NCAPG2: variants seen among roughly 807,000 people sequenced by gnomAD.
NCAPG2 encodes the protein condensin-2 complex subunit G2.
Under a neutral mutation model 141.1 loss-of-function variants are expected in NCAPG2, and 53 were observed. The ratio of observed to expected loss-of-function variants is 0.38; its 90% CI spans 0.30 to 0.47. The LOEUF is 0.47. Among genes scored for constraint, NCAPG2 ranks in the 20% least tolerant of loss-of-function variants. NCAPG2 has a pLI of 0.99. For synonymous variants in NCAPG2, 499 were observed against 490.7 expected (o/e 1.02, Z -0.22); for missense variants, 1,087 against 1,389.0 (o/e 0.78, Z 3.46).
At chr7:158,650,299 C>A (rs1395278916) in intron 24 of NCAPG2, among the ~76,000 whole-genome samples, 1 of 152,198 alleles carries the variant, frequency 6.6e-6, no homozygotes, top group Non-Finnish European at 1.5e-5. Flanking sequence ...CCTGCCTCCA[C>A]CTCCCAAAGT....
At chr7:158,669,428 T>TA (rs1046908702) in intron 13 of NCAPG2, among the ~76,000 whole-genome samples, 2 of 152,240 alleles carry the variant, frequency 1.3e-5, no homozygotes, top group Middle Eastern at 3.4e-3. Flanking sequence ...CAGGCTGTTT[T>TA]AAAAAATGCC....
intron 6 of NCAPG2, among the ~76,000 whole-genome samples, chr7:158,688,058 C>G (rs755175727): frequency 2.6e-5 from 4 of 152,094 alleles, no homozygotes; most frequent in Admixed American, 2.6e-4. Context: ...ATCTAGAACT[C>G]TCTCAGTGAA....
At chr7:158,687,324 A>G (rs780670492) in intron 7 of NCAPG2, 24 bp downstream of exon 7, 3 of 1,537,100 alleles carry the variant, frequency 2.0e-6, no homozygotes, top group East Asian at 2.3e-5. Context: ...ACAGCACAAA[A>G]TCTTCAGTAC....
intron 1 of NCAPG2, chr7:158,703,569 TCCATGTTTCTTGTA>T (rs1357613561): frequency 6.6e-6 from 1 of 152,216 alleles, no homozygotes; most frequent in East Asian, 1.9e-4. Flanking sequence ...GTGGCAATAT[TCCATGTTTCTTGTA>T]CCATATGTGC....
Position 158,680,007 on chromosome 7 carries a change from C to A in NCAPG2, c.1099G>T (p.Ala367Ser), listed in dbSNP as rs778653033. 1.2e-6 allele frequency: 2 copies of A among 1,614,156 alleles called. No homozygotes were observed. The highest frequency in any genetic ancestry group is 3.3e-5 in the Admixed American group (2 of 60,020). Residue 367 changes from alanine to serine, a missense_variant, in exon 11 of 28, where the codon GCT becomes TCT. Coordinates refer to ENST00000356309, the MANE Select transcript of NCAPG2 (RefSeq NM_017760.7). ...AFPIRDPNLH[A>S]IEMDSEIQKQ... is the part of the protein sequence containing the mutation. ...TGGATTTCACTATCCATTTCAATAG[C>A]ATGAAGGTTTGGATCCCTAATAGGA...
intron 27 of NCAPG2, among the ~76,000 whole-genome samples, chr7:158,634,552 T>C (rs759431888): frequency 6.6e-6 from 1 of 152,202 alleles, no homozygotes; most frequent in Admixed American, 6.5e-5. Flanking sequence ...GAGGGCCAAG[T>C]GTTCTCATTT....
chr7:158,666,754 C>G (rs1285417362), intron 13 of NCAPG2, among the ~76,000 whole-genome samples: 1 of 151,682 alleles, frequency 6.6e-6, no homozygotes, highest in Non-Finnish European at 1.5e-5. Flanking sequence ...CAGGGAAACC[C>G]TGTCTCAAAA....
At chr7:158,700,161 C>T (rs746712767) in intron 2 of NCAPG2, among the ~76,000 whole-genome samples, 4 of 152,194 alleles carry the variant, frequency 2.6e-5, no homozygotes, top group African/African-American at 4.8e-5. Context: ...CAATCCTACA[C>T]ATTTTCATTT....
chr7:158,700,425 G>A (rs1418386534), intron 2 of NCAPG2, among the ~76,000 whole-genome samples: 4 of 152,154 alleles, frequency 2.6e-5, no homozygotes, highest in African/African-American at 7.2e-5. Context: ...TTTTACCTCT[G>A]ATTTTCAATT....
rs187327323 is a variant in NCAPG2, at chr7:158,687,498, T to G, written c.673-56A>C. ...TTGCAACCAAATAAAAAGTGCCAAA[T>G]AACAAACAATTATTTGAACGTCTAG... On this transcript the variant is annotated intron_variant, in intron 6 of 27. Transcript: ENST00000356309. 50 of 1,272,372 alleles carry G rather than the reference T, an allele frequency of 3.9e-5. No individual in the cohort carries two copies. The East Asian group carries it at 1.2e-3, about 30-fold the overall frequency. The allele number at this position is 1,272,372 out of a possible 1,614,324, so 78.8% of individuals were successfully genotyped here.
At chr7:158,685,455 G>A (rs1449518036) in intron 8 of NCAPG2, among the ~76,000 whole-genome samples, 1 of 152,092 alleles carries the variant, frequency 6.6e-6, no homozygotes, top group Non-Finnish European at 1.5e-5. Flanking sequence ...TATCCATGGG[G>A]GATCAGTTCT....
chr7:158,681,918 T>C (rs1462614156), intron 9 of NCAPG2, among the ~76,000 whole-genome samples: 3 of 152,164 alleles, frequency 2.0e-5, no homozygotes, highest in Admixed American at 1.3e-4. Flanking sequence ...GAAACCTCTT[T>C]CAATATCAAT....
chr7:158,653,378 TAAAAAA>T (rs1554553485), intron 22 of NCAPG2, among the ~76,000 whole-genome samples: 2 of 38,144 alleles, frequency 5.2e-5, no homozygotes, highest in Non-Finnish European at 1.1e-4. Flanking sequence ...AAAAAAAAAA[TAAAAAA>T]AAAAATAATA....
chr7:158,632,151 G>A (rs931637376), intron 27 of NCAPG2, among the ~76,000 whole-genome samples: 3 of 152,062 alleles, frequency 2.0e-5, no homozygotes, highest in Non-Finnish European at 2.9e-5. Flanking sequence ...CTAATAACCT[G>A]AAGCCTTTAG....
At position 158,658,382 on chromosome 7, in the gene NCAPG2, G is replaced by A; in HGVS notation, c.2016C>T (p.Phe672=). The stretch of plus-strand genomic sequence containing the variant: ...AGGCCGGCATAAAGGACATTAGCAT[G>A]AATAAAGGGATCTTGCAGCGATCAT... ...FKDDRCKIPL[F]MLMSFMPASA... is the part of the protein sequence containing the mutation. Residue 672 remains phenylalanine (F), a synonymous_variant, in exon 17 of 28, where the codon TTC becomes TTT. Transcript: ENST00000356309. 2 of 1,612,272 alleles carry A rather than the reference G, an allele frequency of 1.2e-6. No homozygotes were observed. The highest frequency in any genetic ancestry group is 1.7e-6 in the Non-Finnish European group (2 of 1,179,038).
intron 12 of NCAPG2, among the ~76,000 whole-genome samples, chr7:158,672,445 C>A (rs1418065210): frequency 1.4e-5 from 2 of 141,652 alleles, no homozygotes; most frequent in East Asian, 4.4e-4. Flanking sequence ...CGGGTTCATG[C>A]CATTCTCCTG....
intron 22 of NCAPG2, 133 bp downstream of exon 22, chr7:158,654,462 C>T: frequency 1.1e-6 from 1 of 899,782 alleles, no homozygotes; most frequent in Non-Finnish European, 1.6e-6. Context: ...TAACAAATCC[C>T]TTTTTTGGGA....
chr7:158,656,800 C>T (rs922086053), intron 17 of NCAPG2, 95 bp from the exon 18 acceptor site: 146 of 1,401,622 alleles, frequency 1.0e-4, no homozygotes, highest in Middle Eastern at 5.0e-4. Flanking sequence ...TAAAATCTGA[C>T]GGTGCATAAG....
Position 158,652,370 on chromosome 7 carries a change from T to C in NCAPG2, c.2857A>G (p.Thr953Ala). Residue 953 changes from threonine (T) to alanine (A), a missense_variant, in exon 23 of 28, where the codon ACA (threonine) becomes GCA (alanine). Thr to Ala is a moderately conservative substitution (Grantham distance 58). Coordinates refer to ENST00000356309, the MANE Select transcript of NCAPG2 (RefSeq NM_017760.7). The stretch of plus-strand genomic sequence containing the variant: ...ATTTTCTGAAATACTTTCTGGACTG[T>C]GTCCAACAGCATTGCAACTTCTTCA... ...SDEEVAMLLD[T>A]VQKVFQKMLE... 1 of 1,613,966 alleles carries C rather than the reference T, an allele frequency of 6.2e-7. No homozygotes were observed. Among genetic ancestry groups the C allele is most frequent in the Non-Finnish European group, 8.5e-7 (1 of 1,179,972 alleles).
Sources: gnomAD v4.1 joint callset for allele counts (sites outside exome capture counted in the v4.1 genomes callset) on GRCh38, gnomAD v4.1.1 for gene constraint, MANE v1.5 for transcripts, NCBI Gene and HGNC (gene_info 2026-07-23, HGNC 2026-07-21) for gene names.